The following ADRA1A variants were observed in gnomAD, a reference collection of about 807,000 sequenced individuals.
ADRA1A encodes the protein adrenoceptor alpha 1A.
In ADRA1A, 31 loss-of-function variants were observed where a neutral mutation model predicts 29.6. The observed-to-expected ratio is 1.05, with a 90% CI of 0.79 to 1.41. ADRA1A has a LOEUF of 1.41. ADRA1A is among the 40% of genes most tolerant of loss of function. The pLI is 0.00. For missense variants in ADRA1A, 619 were observed against 601.1 expected, an observed-to-expected ratio of 1.03 and a Z score of -0.31; for synonymous variants, 311 against 254.3, an observed-to-expected ratio of 1.22 and a Z score of -2.12.
At chr8:26,782,995 C>T (rs1807105238) in intron 2 of ADRA1A, among the ~76,000 whole-genome samples, 2 of 152,186 alleles carry the variant, frequency 1.3e-5, no homozygotes, top group Admixed American at 1.3e-4. Flanking sequence ...CCTGTATTCA[C>T]TTGTTATTGT....
At chr8:26,771,411 T>C (rs1423829846) in intron 2 of ADRA1A, among the ~76,000 whole-genome samples, 2 of 149,508 alleles carry the variant, frequency 1.3e-5, no homozygotes, top group Admixed American at 1.3e-4. Context: ...CTCCAGGTCA[T>C]TGATCATTTT....
At position 26,823,180 on chromosome 8, in the gene ADRA1A, G is replaced by A. The variant is rs1037381291; in HGVS notation, c.883+40907C>T. Among the ~76,000 whole-genome samples the A allele has an allele frequency of 3.9e-5, 6 of 152,174 alleles. No individual in the cohort carries two copies. The highest frequency in any genetic ancestry group is 1.5e-5 in the Non-Finnish European group (1 of 68,040). ...AGAAATGAACAAAAAATGGGGGAGG[G>A]CAGTGTCATGAAGCAAAATATGTGG... On this transcript the variant is annotated intron_variant, in intron 2 of 2. Transcript: ENST00000380573. The surrounding 1 kb of genome is among the most constrained non-coding windows in gnomAD (Gnocchi z 4.2).
In ADRA1A at chr8:26,860,160, A is replaced by G. The variant is rs1173700751; in HGVS notation, c.883+3927T>C. Among the ~76,000 whole-genome samples the G allele has an allele frequency of 6.6e-6, 1 of 151,726 alleles. No individual in the cohort carries two copies. The highest frequency in any genetic ancestry group is 6.6e-5 in the Admixed American group (1 of 15,220). The stretch of plus-strand genomic sequence containing the variant: ...CAACATCTTCTCCTCCACACTGCTG[A>G]CTCCCTGGGAGAGCAAATCCAAGAG... On this transcript the variant is annotated intron_variant, in intron 2 of 2. Coordinates refer to ENST00000380573, the MANE Select transcript of ADRA1A (RefSeq NM_000680.4). This position sits in a 1 kb window ranked among gnomAD's most constrained non-coding sequence, Gnocchi z 4.7.
At chr8:26,855,399 A>C (rs1413280364) in intron 2 of ADRA1A, among the ~76,000 whole-genome samples, 4 of 145,746 alleles carry the variant, frequency 2.7e-5, no homozygotes, top group Non-Finnish European at 3.0e-5. Context: ...CAATGTATAA[A>C]ATGAGCTTAC....
intron 2 of ADRA1A, among the ~76,000 whole-genome samples, chr8:26,788,841 T>C (rs1182230146): frequency 6.6e-6 from 1 of 152,192 alleles, no homozygotes; most frequent in Non-Finnish European, 1.5e-5. Context: ...TGTGTGCTTA[T>C]TGCCAAATTT....
intron 2 of ADRA1A, among the ~76,000 whole-genome samples, chr8:26,846,506 T>C (rs1812210449): frequency 6.6e-6 from 1 of 152,162 alleles, no homozygotes. Flanking sequence ...CAGTGGCTCA[T>C]GCCTGTAATC....
At chr8:26,751,144 G>A (rs185198336) in intron 2 of ADRA1A, among the ~76,000 whole-genome samples, 12 of 152,066 alleles carry the variant, frequency 7.9e-5, no homozygotes, top group Non-Finnish European at 1.3e-4. Context: ...CTGCAAATGA[G>A]GCCTGCAGTG....
In ADRA1A at chr8:26,805,501, C is replaced by T. The variant is rs546629428; in HGVS notation, c.884-34835G>A. Reference sequence around the variant, plus strand: ...GTGTCCACTCTATGCCCAGTACTTTCGAAACGCTTTCCATATATTAGCTCA... The same window carrying T: ...GTGTCCACTCTATGCCCAGTACTTTTGAAACGCTTTCCATATATTAGCTCA... On this transcript the variant is annotated intron_variant, in intron 2 of 2. Coordinates refer to ENST00000380573, the MANE Select transcript of ADRA1A (RefSeq NM_000680.4). This position sits in a 1 kb window ranked among gnomAD's most constrained non-coding sequence, Gnocchi z 4.8. 5.9e-5 allele frequency among the ~76,000 whole-genome samples: 9 copies of T among 152,148 alleles called. No individual in the cohort carries two copies. The highest frequency in any genetic ancestry group is 1.7e-4 in the African/African-American group (7 of 41,424).
intron 2 of ADRA1A, among the ~76,000 whole-genome samples, chr8:26,844,355 C>T (rs2130713662): frequency 6.6e-6 from 1 of 152,274 alleles, no homozygotes; most frequent in East Asian, 1.9e-4. Context: ...CATTGTGTAC[C>T]TGTCCTATTC....
chr8:26,806,054 C>G lies in ADRA1A; in HGVS notation c.884-35388G>C, dbSNP rs1194409121. 6.6e-6 allele frequency among the ~76,000 whole-genome samples: 1 copy of G among 152,212 alleles called. No homozygotes were observed. Among genetic ancestry groups the G allele is most frequent in the Non-Finnish European group, 1.5e-5 (1 of 68,048 alleles). On this transcript the variant is annotated intron_variant, in intron 2 of 2. Coordinates refer to ENST00000380573, the MANE Select transcript of ADRA1A (RefSeq NM_000680.4). This position sits in a 1 kb window ranked among gnomAD's most constrained non-coding sequence, Gnocchi z 4.6. ...CTTGTGGCAGCCGCCAATGTGCTTG[C>G]TCTTCCTATTTTATCCTTCCAGGCA... is the stretch of plus-strand genomic sequence containing the variant.
At chr8:26,772,883 A>ACACACACG (rs79239280) in intron 2 of ADRA1A, among the ~76,000 whole-genome samples, 1 of 151,610 alleles carries the variant, frequency 6.6e-6, no homozygotes, top group East Asian at 1.9e-4. Flanking sequence ...ACACACACAC[A>ACACACACG]ATGGGTGTTT....
chr8:26,769,330 C>A lies in ADRA1A; in HGVS notation c.*819G>T, dbSNP rs1218115604. 1 of 985,120 alleles carries A rather than the reference C, an allele frequency of 1.0e-6. No homozygotes were observed. The highest frequency in any genetic ancestry group is 1.2e-6 in the Non-Finnish European group (1 of 829,800). 61.0% of individuals were successfully genotyped at this position (985,120 alleles called of 1,614,324 possible). Reference sequence around the variant, plus strand: ...CTCTTTAAAGATATTAGAGAGAAAGCCTATCATCATCTGATCTTGGAACTG... The same window carrying A: ...CTCTTTAAAGATATTAGAGAGAAAGACTATCATCATCTGATCTTGGAACTG... On this transcript the variant is annotated 3_prime_UTR_variant, in exon 3 of 3. Coordinates refer to ENST00000380573, the MANE Select transcript of ADRA1A (RefSeq NM_000680.4).
intron 2 of ADRA1A, among the ~76,000 whole-genome samples, chr8:26,826,850 G>T (rs6990485): frequency 6.6e-6 from 1 of 152,160 alleles, no homozygotes; most frequent in South Asian, 2.1e-4. Flanking sequence ...CAGAAACACC[G>T]AGTTCCCAAC....
At chr8:26,781,923 T>C (rs1156255142) in intron 2 of ADRA1A, among the ~76,000 whole-genome samples, 1 of 152,232 alleles carries the variant, frequency 6.6e-6, no homozygotes, top group Non-Finnish European at 1.5e-5. Flanking sequence ...GTGAGTTGGC[T>C]GATGCTTGAA....
At position 26,798,845 on chromosome 8, in the gene ADRA1A, G is replaced by A. The variant is rs187246405; in HGVS notation, c.884-28179C>T. 1.5e-4 allele frequency among the ~76,000 whole-genome samples: 23 copies of A among 152,208 alleles called. No homozygotes were observed. In the East Asian group the frequency reaches 3.9e-3, roughly 26 times the overall value. On this transcript the variant is annotated intron_variant, in intron 2 of 2. Transcript: ENST00000380573. The stretch of plus-strand genomic sequence containing the variant: ...TTAAACACTCTCCTTGTGCTCCCAC[G>A]AGTACTACCATTTTCCTCTATAGTA...
Position 26,865,261 on chromosome 8 carries a change from T to G in ADRA1A, c.-292A>C. The G allele has an allele frequency of 7.9e-7, 1 of 1,258,554 alleles. No homozygotes were observed. Among genetic ancestry groups the G allele is most frequent in the Non-Finnish European group, 1.0e-6 (1 of 999,694 alleles). 78.0% of individuals were successfully genotyped at this position (1,258,554 alleles called of 1,614,324 possible). ...GGCTGGCCTAGCCCGGGACCCGGACTCCCTCCCTACCCGAAGCTGGGTGCG... is the reference window on the plus strand; with the variant it reads ...GGCTGGCCTAGCCCGGGACCCGGACGCCCTCCCTACCCGAAGCTGGGTGCG... On this transcript the variant is annotated 5_prime_UTR_variant, in exon 2 of 3. Transcript: ENST00000380573. This position sits in a 1 kb window ranked among gnomAD's most constrained non-coding sequence, Gnocchi z 7.6.
At chr8:26,826,783 G>T (rs1810604121) in intron 2 of ADRA1A, among the ~76,000 whole-genome samples, 1 of 152,162 alleles carries the variant, frequency 6.6e-6, no homozygotes, top group South Asian at 2.1e-4. Context: ...CTTGCCTAGG[G>T]CGAGGGTCTC....
chr8:26,859,044 G>C lies in ADRA1A; in HGVS notation c.883+5043C>G. On this transcript the variant is annotated intron_variant, in intron 2 of 2. Transcript: ENST00000380573. ...ATAGCCTACTCACCTGATTTTCCTG[G>C]GTCAGTCCCTATTAAACATGGGTGT... The C allele has an allele frequency of 2.4e-6, 3 of 1,265,234 alleles. No individual in the cohort carries two copies. The South Asian group carries it at 4.0e-5, about 17-fold the overall frequency. 78.4% of individuals were successfully genotyped at this position (1,265,234 alleles called of 1,614,324 possible).
rs75155633 is a variant in ADRA1A, at chr8:26,847,289, A to C, written c.883+16798T>G. ...CAAAAACAAAAACAAACAAAAAGAA[A>C]AACGTCTCCAGACCTTGCCAAGTGC... On this transcript the variant is annotated intron_variant, in intron 2 of 2. Transcript: ENST00000380573. 7.1e-3 allele frequency among the ~76,000 whole-genome samples: 1,086 copies of C among 152,114 alleles called. 9 individuals carry two copies. The highest frequency in any genetic ancestry group is 0.025 in the African/African-American group (1,045 of 41,556).
Sources: gnomAD v4.1 joint callset for allele counts (sites outside exome capture counted in the v4.1 genomes callset) on GRCh38, gnomAD v4.1.1 for gene constraint, Gnocchi (gnomAD v3.1) non-coding constraint, MANE v1.5 for transcripts, NCBI Gene and HGNC (gene_info 2026-07-23, HGNC 2026-07-21) for gene names.